NCKAP5: variants seen among roughly 807,000 people sequenced by gnomAD.
NCKAP5 encodes the protein nck-associated protein 5.
NCKAP5 carries 92 observed loss-of-function variants against 167.0 expected under a neutral mutation model. The observed-to-expected ratio is 0.55, with a 90% CI of 0.47 to 0.66. The LOEUF (loss-of-function observed/expected upper bound fraction) is 0.66. Among genes scored for constraint, NCKAP5 ranks in the 30% least tolerant of loss-of-function variants. The pLI, the probability that NCKAP5 is intolerant of heterozygous loss-of-function variation, is 0.00. For missense variants in NCKAP5, 2,378 were observed against 2,315.0 expected (o/e 1.03, Z -0.56); for synonymous variants, 891 against 877.4 (o/e 1.02, Z -0.27).
At chr2:132,843,431 T>G (rs1420364943) in intron 11 of NCKAP5, among the ~76,000 whole-genome samples, 1 of 152,098 alleles carries the variant, frequency 6.6e-6, no homozygotes, top group Non-Finnish European at 1.5e-5. Context: ...TGTAAATTTT[T>G]TTTATTACCC....
chr2:133,042,342 A>G (rs114750783), intron 6 of NCKAP5, among the ~76,000 whole-genome samples: 288 of 152,268 alleles, frequency 1.9e-3, no homozygotes, highest in African/African-American at 6.4e-3. Flanking sequence ...AGATACTGGT[A>G]AATAATGAAA....
chr2:132,865,541 G>A (rs576172773), intron 10 of NCKAP5, among the ~76,000 whole-genome samples: 3 of 152,328 alleles, frequency 2.0e-5, no homozygotes, highest in Admixed American at 6.5e-5. Flanking sequence ...TCCTGCTACA[G>A]AAGATAAGCA....
intron 8 of NCKAP5, among the ~76,000 whole-genome samples, chr2:132,962,654 A>G (rs1573563498): frequency 6.6e-6 from 1 of 152,006 alleles, no homozygotes; most frequent in Admixed American, 6.6e-5. Flanking sequence ...GCAGTGGCGC[A>G]ATCTTGGCTC....
chr2:132,892,285 C>G (rs933836176), intron 8 of NCKAP5, among the ~76,000 whole-genome samples: 3 of 152,198 alleles, frequency 2.0e-5, no homozygotes, highest in South Asian at 4.1e-4. Context: ...TTTATCAACT[C>G]ATTATTACAT....
chr2:133,642,162 C>A, the NCKAP5 span, among the ~76,000 whole-genome samples: 3 of 152,116 alleles, frequency 2.0e-5, no homozygotes, highest in Non-Finnish European at 4.4e-5. Flanking sequence ...TTCTTTTAAA[C>A]AACTTTCTCT....
At position 132,781,058 on chromosome 2, in the gene NCKAP5, G is replaced by A. The variant is rs1682987094; in HGVS notation, c.5043C>T (p.Asp1681=). ...KIKADMEVPK[D]SLVKEANENL... ...AGGATGGTGGAGCACTTACCAGGGA[G>A]TCTTTTGGTACTTCCATATCGGCTT... Residue 1681 remains aspartate (D), a synonymous_variant, in exon 15 of 20, where the codon GAC becomes GAT. Transcript: ENST00000409261. The A allele has an allele frequency of 1.2e-6, 2 of 1,613,276 alleles. No homozygotes were observed. Among genetic ancestry groups the A allele is most frequent in the East Asian group, 2.2e-5 (1 of 44,866 alleles).
intron 6 of NCKAP5, among the ~76,000 whole-genome samples, chr2:133,125,487 T>A (rs918270411): frequency 1.3e-5 from 2 of 151,082 alleles, no homozygotes; most frequent in African/African-American, 4.9e-5. Flanking sequence ...GTGGGGAGAG[T>A]GGGAAGAATT....
chr2:133,125,860 T>A (rs951076589), intron 6 of NCKAP5, among the ~76,000 whole-genome samples: 1 of 152,208 alleles, frequency 6.6e-6, no homozygotes, highest in Non-Finnish European at 1.5e-5. Flanking sequence ...AATTTTTTTT[T>A]ATTGCCTAAA....
At chr2:133,205,674 T>C (rs2085915861) in intron 5 of NCKAP5, among the ~76,000 whole-genome samples, 1 of 152,182 alleles carries the variant, frequency 6.6e-6, no homozygotes, top group African/African-American at 2.4e-5. Context: ...GGGATTCTCA[T>C]TAAGATTATA....
At chr2:133,572,385 T>C (rs1688897966), upstream of NCKAP5, among the ~76,000 whole-genome samples, 1 of 152,172 alleles carries the variant, frequency 6.6e-6, no homozygotes, top group Non-Finnish European at 1.5e-5. Context: ...CCAGCCCCTC[T>C]GCTTAGCTCT....
intron 3 of NCKAP5, among the ~76,000 whole-genome samples, chr2:133,350,474 C>T (rs1021790092): frequency 1.3e-5 from 2 of 152,122 alleles, no homozygotes; most frequent in Admixed American, 6.5e-5. Context: ...CACCCCTCCC[C>T]TACTTTGCTA....
rs111871988 is a variant in NCKAP5 at position 133,337,453 on chromosome 2, C to T, written c.70-34343G>A. Among the ~76,000 whole-genome samples the T allele has an allele frequency of 1.7e-3, 255 of 152,274 alleles. 3 individuals are homozygous for T. Among genetic ancestry groups the T allele is most frequent in the African/African-American group, 5.9e-3 (245 of 41,548 alleles). On this transcript the variant is annotated intron_variant, in intron 3 of 19. Coordinates refer to ENST00000409261, the MANE Select transcript of NCKAP5 (RefSeq NM_207363.3). The stretch of plus-strand genomic sequence containing the variant: ...AGACTGACATAGAAAGAATTTCCCT[C>T]ATTATTATGGGGTAAAGTTCATACA...
intron 3 of NCKAP5, among the ~76,000 whole-genome samples, chr2:133,438,212 C>T (rs1000844626): frequency 1.5e-4 from 23 of 152,326 alleles, no homozygotes; most frequent in African/African-American, 4.3e-4. Context: ...TTGTTGGGTG[C>T]CAGCTTCTGG....
At chr2:133,071,402 G>T (rs889918458) in intron 6 of NCKAP5, among the ~76,000 whole-genome samples, 1 of 152,078 alleles carries the variant, frequency 6.6e-6, no homozygotes, top group African/African-American at 2.4e-5. Context: ...CCGAGATCCC[G>T]CCACTGCACT....
rs1310524686 is a variant in NCKAP5, at chr2:133,498,480, A to AAGGAAGGAAGGAAGGAAGGCAGGCAGGC, written c.69+18977_69+18978insGCCTGCCTGCCTTCCTTCCTTCCTTCCT. Among the ~76,000 whole-genome samples the AAGGAAGGAAGGAAGGAAGGCAGGCAGGC allele has an allele frequency of 5.9e-5, 6 of 101,804 alleles. No homozygotes were observed. In the East Asian group the frequency reaches 2.2e-3, roughly 38 times the overall value. The allele number at this position is 101,804 out of a possible 152,430, so 66.8% of individuals were successfully genotyped here. A position where few individuals can be genotyped will look rare whatever the true frequency, so the allele number is the denominator to read the frequency against. ...GAAGGAAGGAAGGAAGGAAGGAAGG[A>AAGGAAGGAAGGAAGGAAGGCAGGCAGGC]AGGCAGGCAGGCAGGCAGGCAGGCA... is the stretch of plus-strand genomic sequence containing the variant. On this transcript the variant is annotated intron_variant, in intron 3 of 19. Transcript: ENST00000409261.
At chr2:133,614,565 T>C in the NCKAP5 span, among the ~76,000 whole-genome samples, 5 of 151,624 alleles carry the variant, frequency 3.3e-5, no homozygotes, top group Admixed American at 6.6e-5. Context: ...GAAGATGAAA[T>C]GAATGAAATG....
rs143769735 is a variant in NCKAP5 at position 132,951,046 on chromosome 2, A to G, written c.579+12674T>C. ...TTGGGAAAAATGATGCAAAATTTCC[A>G]ACTGCTCATGTTCCTTGCTCTGTTC... On this transcript the variant is annotated intron_variant, in intron 8 of 19. Coordinates refer to ENST00000409261, the MANE Select transcript of NCKAP5 (RefSeq NM_207363.3). Among the ~76,000 whole-genome samples the G allele has an allele frequency of 4.6e-5, 7 of 152,336 alleles. No homozygotes were observed. In the East Asian group the frequency reaches 1.3e-3, roughly 29 times the overall value.
At chr2:133,160,697 C>A (rs904598173) in intron 5 of NCKAP5, among the ~76,000 whole-genome samples, 2 of 151,970 alleles carry the variant, frequency 1.3e-5, no homozygotes, top group Non-Finnish European at 2.9e-5. Flanking sequence ...ACAGACTGGC[C>A]CTTTTAGGTG....
In NCKAP5 at chr2:133,003,317, C is replaced by T. The variant is rs140087310; in HGVS notation, c.342-9078G>A. Among the ~76,000 whole-genome samples the T allele has an allele frequency of 1.9e-3, 296 of 152,324 alleles. 3 individuals are homozygous for T. The highest frequency in any genetic ancestry group is 6.6e-3 in the African/African-American group (274 of 41,578). On this transcript the variant is annotated intron_variant, in intron 6 of 19. Coordinates refer to ENST00000409261, the MANE Select transcript of NCKAP5 (RefSeq NM_207363.3). Reference sequence around the variant, plus strand: ...TTGCCTTCCTCAACAAACTATCCTACCTTCCCATTTTAATTGCAATGCAAA... The same window carrying T: ...TTGCCTTCCTCAACAAACTATCCTATCTTCCCATTTTAATTGCAATGCAAA...
Sources: allele counts gnomAD v4.1 joint callset (sites outside exome capture counted in the v4.1 genomes callset), GRCh38; gene constraint gnomAD v4.1.1; transcripts MANE v1.5; gene names NCBI Gene and HGNC (gene_info 2026-07-23, HGNC 2026-07-21).